ANK3: variants seen among roughly 807,000 people sequenced by gnomAD.
ANK3 encodes the protein ankyrin 3, also known as ankyrin-3.
In ANK3, 57 loss-of-function variants were observed where a neutral mutation model predicts 370.9. The observed-to-expected ratio is 0.15, with a 90% CI of 0.12 to 0.19. ANK3 has a LOEUF of 0.19. Ranked by LOEUF, ANK3 falls within the 10% of genes least tolerant of loss-of-function variation. The pLI, the probability that ANK3 is intolerant of heterozygous loss-of-function variation, is 1.00. For missense variants in ANK3, 4,439 were observed against 5,302.1 expected (o/e 0.84, Z 5.06); for synonymous variants, 1,929 against 1,946.3 (o/e 0.99, Z 0.23).
At chr10:60,671,872 A>G (rs987855166) in intron 1 of ANK3, among the ~76,000 whole-genome samples, 2 of 152,226 alleles carry the variant, frequency 1.3e-5, no homozygotes, top group African/African-American at 2.4e-5. Context: ...AGCCTCCTGC[A>G]AAAGATCAGC....
intron 1 of ANK3, among the ~76,000 whole-genome samples, chr10:60,364,127 C>A (rs2132751510): frequency 6.6e-6 from 1 of 151,570 alleles, no homozygotes; most frequent in South Asian, 2.1e-4. Context: ...AGCCCTGTTT[C>A]TACTAAAAAT....
At chr10:60,128,406 G>A (rs2093886446) in intron 25 of ANK3, among the ~76,000 whole-genome samples, 1 of 149,764 alleles carries the variant, frequency 6.7e-6, no homozygotes, top group Non-Finnish European at 1.5e-5. Flanking sequence ...TTGAGATAGG[G>A]TCTCACTATC....
At chr10:60,526,629 AG>A in intron 2 of ANK3, among the ~76,000 whole-genome samples, 1 of 152,292 alleles carries the variant, frequency 6.6e-6, no homozygotes, top group East Asian at 1.9e-4. Flanking sequence ...TTGTTAGGAT[AG>A]AGATAATCAG....
chr10:60,322,865 T>C (rs2048979775), intron 1 of ANK3, among the ~76,000 whole-genome samples: 1 of 151,882 alleles, frequency 6.6e-6, no homozygotes, highest in Non-Finnish European at 1.5e-5. Context: ...ACTAATTGAG[T>C]ATGAGGTGTG....
intron 2 of ANK3, among the ~76,000 whole-genome samples, chr10:60,528,598 C>T (rs2076533361): frequency 6.6e-6 from 1 of 152,072 alleles, no homozygotes; most frequent in Admixed American, 6.6e-5. Context: ...AAATTATATG[C>T]ATTTCATATG....
intron 2 of ANK3, among the ~76,000 whole-genome samples, chr10:60,519,491 T>C (rs1362269871): frequency 6.6e-6 from 1 of 152,118 alleles, no homozygotes; most frequent in Non-Finnish European, 1.5e-5. Flanking sequence ...AACTGCAAAA[T>C]ACCTTGGACA....
chr10:60,371,702 C>A (rs117552816), intron 1 of ANK3, among the ~76,000 whole-genome samples: 1 of 152,164 alleles, frequency 6.6e-6, no homozygotes, highest in African/African-American at 2.4e-5. Context: ...AAGAAGCCAA[C>A]TGTTTATTAA....
intron 1 of ANK3, among the ~76,000 whole-genome samples, chr10:60,653,530 T>C (rs1244529527): frequency 6.6e-6 from 1 of 152,188 alleles, no homozygotes; most frequent in Non-Finnish European, 1.5e-5. Flanking sequence ...TCTCCAATTC[T>C]GTAGCTTTAT....
chr10:60,164,376 T>C (rs557493007), intron 23 of ANK3, among the ~76,000 whole-genome samples: 1 of 152,152 alleles, frequency 6.6e-6, no homozygotes, highest in East Asian at 1.9e-4. Flanking sequence ...CTAAAAATAT[T>C]GTGTTCAGTT....
At chr10:60,285,580 C>T (rs1435988341) in intron 1 of ANK3, among the ~76,000 whole-genome samples, 1 of 152,066 alleles carries the variant, frequency 6.6e-6, no homozygotes, top group African/African-American at 2.4e-5. Context: ...GCCTCACTGC[C>T]TCAACCCATC....
rs763039935 is a variant in ANK3 at position 60,572,596 on chromosome 10, G to A, written c.96+42590C>T. On this transcript the variant is annotated intron_variant, in intron 2 of 43. Coordinates refer to the ANK3 transcript ENST00000373827. ...CGGTATTCCAACATCCAAAACCACG[G>A]CAAAGAGTCAAAGCATTGAGACCAA... 2.8e-4 allele frequency: 424 copies of A among 1,521,862 alleles called. 3 individuals carry two copies. In the Admixed American group the frequency reaches 7.7e-3, roughly 28 times the overall value. The allele number at this position is 1,521,862 out of a possible 1,614,324, so 94.3% of individuals were successfully genotyped here.
chr10:60,068,020 C>T lies in ANK3; in HGVS notation c.12245-11G>A, dbSNP rs377712610. On this transcript the variant is annotated splice_polypyrimidine_tract_variant and intron_variant, in intron 37 of 43. Transcript: ENST00000280772. Reference sequence around the variant, plus strand: ...ATGGACTCTGTGGACCTACGATTTACAATTTCTTAATTAAAATAATCATCA... The same window carrying T: ...ATGGACTCTGTGGACCTACGATTTATAATTTCTTAATTAAAATAATCATCA... 3.8e-6 allele frequency: 6 copies of T among 1,594,236 alleles called. No homozygotes were observed. The African/African-American group carries it at 6.7e-5, about 18-fold the overall frequency.
intron 41 of ANK3, among the ~76,000 whole-genome samples, chr10:60,057,429 T>C (rs2079431038): frequency 6.6e-6 from 1 of 152,232 alleles, no homozygotes; most frequent in Admixed American, 6.5e-5. Context: ...CTTATATATG[T>C]GTGTGTATTC....
At chr10:60,550,435 A>G (rs190089447) in intron 2 of ANK3, among the ~76,000 whole-genome samples, 36 of 152,044 alleles carry the variant, frequency 2.4e-4, no homozygotes, top group African/African-American at 8.4e-4. Context: ...GGGAAAATAT[A>G]TATGCTTAGA....
intron 2 of ANK3, among the ~76,000 whole-genome samples, chr10:60,400,807 T>C (rs1198035753): frequency 1.3e-5 from 2 of 152,140 alleles, no homozygotes; most frequent in African/African-American, 2.4e-5. Flanking sequence ...TATCAACCCA[T>C]CACCAAGGTG....
chr10:60,120,313 C>T (rs185655856), intron 25 of ANK3, among the ~76,000 whole-genome samples: 1 of 152,110 alleles, frequency 6.6e-6, no homozygotes, highest in African/African-American at 2.4e-5. Context: ...AAAATCAAAT[C>T]AAAATGAATT....
At chr10:60,643,871 AT>A (rs1240525337) in intron 1 of ANK3, among the ~76,000 whole-genome samples, 1 of 152,196 alleles carries the variant, frequency 6.6e-6, no homozygotes, top group Non-Finnish European at 1.5e-5. Flanking sequence ...TTCCCAGAGA[AT>A]GTGTTCCTAG....
chr10:60,468,995 G>GTA (rs1464396090), intron 2 of ANK3, among the ~76,000 whole-genome samples: 494 of 34,526 alleles, frequency 0.014, 59 homozygotes, highest in African/African-American at 0.02. Flanking sequence ...CACTTTTAGT[G>GTA]TGTATATATA....
intron 8 of ANK3, among the ~76,000 whole-genome samples, chr10:60,234,075 G>A (rs1435798268): frequency 2.6e-5 from 4 of 152,140 alleles, no homozygotes; most frequent in African/African-American, 9.7e-5. Flanking sequence ...CATGCAACAA[G>A]ATTTCCTTCT....
Sources: gnomAD v4.1 joint callset for allele counts (sites outside exome capture counted in the v4.1 genomes callset) on GRCh38, gnomAD v4.1.1 for gene constraint, MANE v1.5 for transcripts, NCBI Gene and HGNC (gene_info 2026-07-23, HGNC 2026-07-21) for gene names.